DCAF17: variants seen among roughly 807,000 people sequenced by gnomAD.
The protein encoded by DCAF17 is DDB1 and CUL4 associated factor 17, also known as DDB1- and CUL4-associated factor 17.
A neutral mutation model predicts 66.0 loss-of-function variants in DCAF17; 48 were observed. The ratio of observed to expected loss-of-function variants is 0.73; its 90% CI spans 0.58 to 0.92. The LOEUF is 0.92. Among genes scored for constraint, DCAF17 ranks in the 40% least tolerant of loss-of-function variants. The pLI is 0.00. For missense variants in DCAF17, 562 were observed against 622.8 expected (o/e 0.90, Z 1.04); for synonymous variants, 206 against 214.6 (o/e 0.96, Z 0.35).
chr2:171,472,872 G>A, intron 9 of DCAF17: 1 of 313,952 alleles, frequency 3.2e-6, no homozygotes, highest in East Asian at 9.8e-5. Context: ...TTACATTAGA[G>A]AAATTAAATT....
At position 171,483,636 on chromosome 2, in the gene DCAF17, G is replaced by A. The variant is rs754327552; in HGVS notation, c.*2522G>A. On this transcript the variant is annotated 3_prime_UTR_variant, in exon 14 of 14. Coordinates refer to ENST00000375255, the MANE Select transcript of DCAF17 (RefSeq NM_025000.4). ...CATTCTTCCACCAATTGAAAGTTTT[G>A]TATCTTACAGTTCTTTTTTTAAATA... 6.2e-5 allele frequency: 28 copies of A among 453,800 alleles called. No individual in the cohort carries two copies. Among genetic ancestry groups the A allele is most frequent in the South Asian group, 4.0e-4 (26 of 64,398 alleles). The allele number at this position is 453,800 out of a possible 1,614,324, so 28.1% of individuals were successfully genotyped here. A position where few individuals can be genotyped will look rare whatever the true frequency, so the allele number is the denominator to read the frequency against.
chr2:171,469,558 G>A (rs116512816), intron 9 of DCAF17, among the ~76,000 whole-genome samples: 2,911 of 152,250 alleles, frequency 0.019, 39 homozygotes, highest in Admixed American at 0.037. Context: ...TCTACCCTTC[G>A]AATTCATTTT....
At chr2:171,446,056 T>C (rs1694603564) in intron 3 of DCAF17, among the ~76,000 whole-genome samples, 1 of 152,138 alleles carries the variant, frequency 6.6e-6, no homozygotes, top group Non-Finnish European at 1.5e-5. Flanking sequence ...ATCATTGCCC[T>C]GAATCCAGTG....
chr2:171,466,958 T>A (rs1046585362), intron 8 of DCAF17, among the ~76,000 whole-genome samples: 19 of 152,220 alleles, frequency 1.2e-4, no homozygotes, highest in South Asian at 1.0e-3. Context: ...TTTTTCCCTT[T>A]TTCTATTGGG....
At chr2:171,472,148 T>C (rs1489899890) in intron 9 of DCAF17, among the ~76,000 whole-genome samples, 2 of 152,214 alleles carry the variant, frequency 1.3e-5, no homozygotes, top group African/African-American at 2.4e-5. Context: ...ATATGCATAC[T>C]ATATGGATTA....
Position 171,468,878 on chromosome 2 carries a change from G to A in DCAF17, c.839-10G>A. The A allele has an allele frequency of 1.2e-6, 2 of 1,614,072 alleles. No homozygotes were observed. The highest frequency in any genetic ancestry group is 1.7e-6 in the Non-Finnish European group (2 of 1,179,944). On this transcript the variant is annotated splice_polypyrimidine_tract_variant and intron_variant, in intron 8 of 13. Transcript: ENST00000375255. ...GTGCAGCTAATGAATTCCTTTTCCT[G>A]TCTCTACAGACATGCCACCACTGCT...
chr2:171,444,058 T>C (rs1424490416), intron 3 of DCAF17, among the ~76,000 whole-genome samples: 1 of 152,168 alleles, frequency 6.6e-6, no homozygotes, highest in South Asian at 2.1e-4. Flanking sequence ...TAGCTTTGCC[T>C]GGGTGTATAT....
chr2:171,482,496 C>G lies in DCAF17; in HGVS notation c.*1382C>G. The G allele has an allele frequency of 2.2e-6, 1 of 453,998 alleles. No individual in the cohort carries two copies. The highest frequency in any genetic ancestry group is 4.4e-6 in the Non-Finnish European group (1 of 226,784). The allele number at this position is 453,998 out of a possible 1,614,324, so 28.1% of individuals were successfully genotyped here. A position where few individuals can be genotyped will look rare whatever the true frequency, so the allele number is the denominator to read the frequency against. On this transcript the variant is annotated 3_prime_UTR_variant, in exon 14 of 14. Coordinates refer to ENST00000375255, the MANE Select transcript of DCAF17 (RefSeq NM_025000.4). The stretch of plus-strand genomic sequence containing the variant: ...TATCTAAATAGTCCCACTCAGTAAA[C>G]TTACATCTTGAAAAACAAGACCAGT...
chr2:171,454,474 C>T (rs983159430), intron 6 of DCAF17, among the ~76,000 whole-genome samples: 14 of 151,578 alleles, frequency 9.2e-5, no homozygotes, highest in Non-Finnish European at 1.6e-4. Context: ...TTAGTAGAGA[C>T]GGGGTTTCAC....
At chr2:171,438,015 A>G (rs1694068774) in intron 2 of DCAF17, among the ~76,000 whole-genome samples, 1 of 152,182 alleles carries the variant, frequency 6.6e-6, no homozygotes, top group Non-Finnish European at 1.5e-5. Context: ...CTTTTCCTCT[A>G]AGCATTGTTT....
At chr2:171,457,921 A>G (rs368787265) in intron 6 of DCAF17, 50 bp from the exon 7 acceptor site, 18 of 1,385,640 alleles carry the variant, frequency 1.3e-5, no homozygotes, top group Admixed American at 6.7e-5. Flanking sequence ...CATTCAGAGG[A>G]TTGGACTTCC....
At chr2:171,461,025 G>A (rs754753735) in intron 8 of DCAF17, among the ~76,000 whole-genome samples, 1 of 152,128 alleles carries the variant, frequency 6.6e-6, no homozygotes, top group Non-Finnish European at 1.5e-5. Context: ...ATACTGTAGA[G>A]ACTTAAATCC....
intron 8 of DCAF17, 27 bp downstream of exon 8, chr2:171,458,504 A>G: frequency 6.5e-7 from 1 of 1,548,432 alleles, no homozygotes; most frequent in Non-Finnish European, 8.9e-7. Context: ...GTATTTTTTC[A>G]CCTTAAAAAA....
In DCAF17 at chr2:171,434,444, C is replaced by A; in HGVS notation, c.-134C>A. ...GTCGGGTGCTCCCTGCCCGCCTCCC[C>A]GTGTCAGCTTTCCCTGGGCCCCGCC... On this transcript the variant is annotated 5_prime_UTR_variant, in exon 1 of 14. Transcript: ENST00000375255. 6.9e-7 allele frequency: 1 copy of A among 1,459,180 alleles called. No homozygotes were observed. Among genetic ancestry groups the A allele is most frequent in the Non-Finnish European group, 9.2e-7 (1 of 1,082,700 alleles). 90.4% of individuals were successfully genotyped at this position (1,459,180 alleles called of 1,614,324 possible).
At chr2:171,479,799 A>G (rs550217470) in intron 12 of DCAF17, 5 of 457,946 alleles carry the variant, frequency 1.1e-5, no homozygotes, top group Admixed American at 3.5e-5. Flanking sequence ...TGAGATCTAC[A>G]TAGACTTGGT....
intron 6 of DCAF17, among the ~76,000 whole-genome samples, chr2:171,457,176 A>T (rs905539774): frequency 1.3e-5 from 2 of 152,254 alleles, no homozygotes; most frequent in African/African-American, 4.8e-5. Flanking sequence ...CTAAGAGATG[A>T]CAAAAAATAC....
At chr2:171,459,709 C>T (rs1383491141) in intron 8 of DCAF17, among the ~76,000 whole-genome samples, 1 of 151,620 alleles carries the variant, frequency 6.6e-6, no homozygotes, top group African/African-American at 2.4e-5. Flanking sequence ...TGTCATTGTT[C>T]AAAAGGAAAA....
chr2:171,444,688 A>C (rs1303241914), intron 3 of DCAF17, among the ~76,000 whole-genome samples: 1 of 152,220 alleles, frequency 6.6e-6, no homozygotes, highest in African/African-American at 2.4e-5. Flanking sequence ...AAATGCACTT[A>C]GGAAATACTA....
chr2:171,457,903 A>T (rs1383803218), intron 6 of DCAF17, 68 bp from the exon 7 acceptor site: 1 of 1,211,728 alleles, frequency 8.3e-7, no homozygotes, highest in African/African-American at 1.5e-5. Context: ...AGTACAAACC[A>T]CTGTGAACAT....
Sources: allele counts gnomAD v4.1 joint callset (sites outside exome capture counted in the v4.1 genomes callset), GRCh38; gene constraint gnomAD v4.1.1; transcripts MANE v1.5; gene names NCBI Gene and HGNC (gene_info 2026-07-23, HGNC 2026-07-21).